The following PICK1 variants were observed in gnomAD, a reference collection of about 807,000 sequenced individuals.
PICK1 encodes the protein PRKCA-binding protein.
A neutral mutation model predicts 48.9 loss-of-function variants in PICK1; 23 were observed. That is an observed-to-expected ratio of 0.47 (90% CI 0.34 to 0.67). PICK1 has a LOEUF of 0.67. PICK1 is among the 30% of genes least tolerant of loss of function. The probability of loss-of-function intolerance (pLI) is 0.01; values close to 1 mark genes in which losing one functional copy is unlikely to be tolerated. For synonymous variants in PICK1, 217 were observed against 228.2 expected (o/e 0.95, Z 0.44); for missense variants, 423 against 557.1 (o/e 0.76, Z 2.42).
chr22:38,058,542 T>TCA (rs1407134259), intron 2 of PICK1, among the ~76,000 whole-genome samples: 4 of 152,192 alleles, frequency 2.6e-5, no homozygotes, highest in South Asian at 4.2e-4. Context: ...GGCTCAAATC[T>TCA]CAGAGATCGA....
intron 8 of PICK1, 53 bp from the exon 9 acceptor site, chr22:38,072,424 C>T: frequency 1.3e-6 from 2 of 1,598,198 alleles, no homozygotes; most frequent in Non-Finnish European, 1.7e-6. Context: ...AAACCCCTGG[C>T]TTCTCTTAGG....
Position 38,074,795 on chromosome 22 carries a change from G to A in PICK1, c.980-69G>A. Reference sequence around the variant, plus strand: ...AGGCGAGAGGTGGGCCGGGTGGGCTGGGAGAGTCTCCTCCCTGAGGCAGGC... The same window carrying A: ...AGGCGAGAGGTGGGCCGGGTGGGCTAGGAGAGTCTCCTCCCTGAGGCAGGC... On this transcript the variant is annotated intron_variant, in intron 12 of 12. Transcript: ENST00000356976. The surrounding 1 kb of genome is among the most constrained non-coding windows in gnomAD (Gnocchi z 4.5). The A allele has an allele frequency of 6.3e-7, 1 of 1,585,572 alleles. No homozygotes were observed. The highest frequency in any genetic ancestry group is 1.8e-4 in the Middle Eastern group (1 of 5,504).
rs201199072 is a variant in PICK1 at position 38,065,146 on chromosome 22, G to C, written c.282+16G>C. 1.2e-6 allele frequency: 2 copies of C among 1,612,030 alleles called. No homozygotes were observed. Among genetic ancestry groups the C allele is most frequent in the South Asian group, 1.1e-5 (1 of 90,798 alleles). ...GGAGGTGAAGGTAAGGGCTGCTGCA[G>C]AGCAGGTGTCCAGAGGCAGCAACAC... On this transcript the variant is annotated intron_variant, in intron 4 of 12. Transcript: ENST00000356976.
At chr22:38,072,848 T>C (rs1287745290) in intron 9 of PICK1, 152 bp from the exon 10 acceptor site, 12 of 824,528 alleles carry the variant, frequency 1.5e-5, no homozygotes, top group Non-Finnish European at 2.5e-5. Context: ...CTGGCACTAG[T>C]CTTCTCATCC....
rs147527058 is a variant in PICK1 at position 38,057,426 on chromosome 22, TG to T, written c.-217del. The T allele has an allele frequency of 1.2e-4, 31 of 252,000 alleles. No individual in the cohort carries two copies. In the East Asian group the frequency reaches 2.4e-3, roughly 20 times the overall value. 15.6% of individuals were successfully genotyped at this position (252,000 alleles called of 1,614,324 possible). ...CGTGACAATCGCGGCCACCGCCAGG[TG>T]GAACGGCAGGTGGGTTCAGGTACCA... is the stretch of plus-strand genomic sequence containing the variant. On this transcript the variant is annotated 5_prime_UTR_variant, in exon 1 of 13. Transcript: ENST00000356976.
Position 38,073,813 on chromosome 22 carries a change from A to G in PICK1, c.824A>G (p.Tyr275Cys). ...GTGAAGGAGATGGATGACGAGGAATACAGCTGCATTGTGAGTGTTGGAGGG... is the reference window on the plus strand; with the variant it reads ...GTGAAGGAGATGGATGACGAGGAATGCAGCTGCATTGTGAGTGTTGGAGGG... ...LKVKEMDDEE[Y>C]SCIALGEPLY... The change falls in exon 11 of 13, where the codon TAC (tyrosine) becomes TGC (cysteine). Residue 275 changes from tyrosine to cysteine, a missense_variant. Physicochemically the swap from Tyr to Cys is radical, Grantham distance 194 (BLOSUM62 -2). Transcript: ENST00000356976. This position sits in a 1 kb window ranked among gnomAD's most constrained non-coding sequence, Gnocchi z 5.7. 2 of 1,612,804 alleles carry G rather than the reference A, an allele frequency of 1.2e-6. No homozygotes were observed. Among genetic ancestry groups the G allele is most frequent in the East Asian group, 4.5e-5 (2 of 44,848 alleles).
At chr22:38,064,650 A>G (rs770636927) in intron 3 of PICK1, among the ~76,000 whole-genome samples, 1 of 152,048 alleles carries the variant, frequency 6.6e-6, no homozygotes, top group Non-Finnish European at 1.5e-5. Flanking sequence ...AACCCCAGCT[A>G]CTCGGGAGGC....
intron 8 of PICK1, 101 bp downstream of exon 8, chr22:38,071,845 C>G: frequency 9.8e-7 from 1 of 1,017,054 alleles, no homozygotes; most frequent in Non-Finnish European, 1.6e-6. Context: ...TGACCTCAGG[C>G]TCCCTCTGGG....
chr22:38,059,421 C>A, intron 3 of PICK1, 76 bp downstream of exon 3: 1 of 969,238 alleles, frequency 1.0e-6, no homozygotes, highest in Non-Finnish European at 1.6e-6. Context: ...TTTCTCCACA[C>A]TGCATAGCTG....
In PICK1 at chr22:38,072,692, G is replaced by A. The variant is rs1220978667; in HGVS notation, c.690+82G>A. 4 of 1,565,200 alleles carry A rather than the reference G, an allele frequency of 2.6e-6. No individual in the cohort carries two copies. In the African/African-American group the frequency reaches 4.0e-5, roughly 16 times the overall value. On this transcript the variant is annotated intron_variant, in intron 9 of 12. Coordinates refer to ENST00000356976, the MANE Select transcript of PICK1 (RefSeq NM_012407.4). ...TGGCATGCAGAGAAGGTCGTATGCT[G>A]GAGTCCTGTGCCTGGGTACAGCCTC...
rs964451784 is a variant in PICK1, at chr22:38,075,195, G to A, written c.*63G>A. 2.2e-5 allele frequency: 33 copies of A among 1,520,850 alleles called. No individual in the cohort carries two copies. In the Admixed American group the frequency reaches 2.5e-4, roughly 12 times the overall value. 94.2% of individuals were successfully genotyped at this position (1,520,850 alleles called of 1,614,324 possible). On this transcript the variant is annotated 3_prime_UTR_variant, in exon 13 of 13. Coordinates refer to ENST00000356976, the MANE Select transcript of PICK1 (RefSeq NM_012407.4). Reference sequence around the variant, plus strand: ...GGAGGACGGAGCCTGGGAGCGGGGCGGGGCCGCCGCGCAAGGGGGCGACGC... The same window carrying A: ...GGAGGACGGAGCCTGGGAGCGGGGCAGGGCCGCCGCGCAAGGGGGCGACGC...
chr22:38,070,130 G>A (rs1345934223), intron 6 of PICK1, among the ~76,000 whole-genome samples: 1 of 152,176 alleles, frequency 6.6e-6, no homozygotes, highest in Non-Finnish European at 1.5e-5. Flanking sequence ...TGCCCAGAGA[G>A]GCCTGAACAC....
At chr22:38,068,892 C>G in intron 5 of PICK1, 141 bp from the exon 6 acceptor site, 2 of 728,968 alleles carry the variant, frequency 2.7e-6, no homozygotes, top group Non-Finnish European at 2.5e-6. Context: ...GACCTCCCCA[C>G]TGGACATTCC....
intron 3 of PICK1, among the ~76,000 whole-genome samples, chr22:38,060,781 C>CTG (rs2085381064): frequency 6.7e-6 from 1 of 149,170 alleles, no homozygotes. Context: ...CAGAGTCTCA[C>CTG]TGTGTTGCCC....
chr22:38,071,229 C>G (rs939112513), intron 7 of PICK1, among the ~76,000 whole-genome samples: 3 of 152,024 alleles, frequency 2.0e-5, no homozygotes, highest in African/African-American at 7.3e-5. Context: ...TGCCTATAAT[C>G]AGTACTCGAG....
Position 38,058,105 on chromosome 22 carries a change from A to T in PICK1, c.41+255A>T, listed in dbSNP as rs549419877. On this transcript the variant is annotated intron_variant, in intron 2 of 12. Coordinates refer to ENST00000356976, the MANE Select transcript of PICK1 (RefSeq NM_012407.4). ...ACAAGAAGAGCAAAGCAGATGGAGCAGTGCTTCTGCTGGGATGGTCAAGGA... is the reference window on the plus strand; with the variant it reads ...ACAAGAAGAGCAAAGCAGATGGAGCTGTGCTTCTGCTGGGATGGTCAAGGA... 5.4e-6 allele frequency: 3 copies of T among 557,276 alleles called. No individual in the cohort carries two copies. In the East Asian group the frequency reaches 9.3e-5, roughly 17 times the overall value. The allele number at this position is 557,276 out of a possible 1,614,324, so 34.5% of individuals were successfully genotyped here.
At chr22:38,072,706 G>A in intron 9 of PICK1, 96 bp downstream of exon 9, 2 of 1,530,330 alleles carry the variant, frequency 1.3e-6, no homozygotes, top group South Asian at 1.1e-5. Flanking sequence ...TCCTGTGCCT[G>A]GGTACAGCCT....
intron 2 of PICK1, among the ~76,000 whole-genome samples, chr22:38,058,529 C>T (rs941035432): frequency 6.6e-6 from 1 of 152,202 alleles, no homozygotes. Flanking sequence ...AAGGACAGAA[C>T]CTGGCTCAAA....
At position 38,071,815 on chromosome 22, in the gene PICK1, TG is replaced by T. The variant is rs1340130388; in HGVS notation, c.556+74del. 2.9e-6 allele frequency: 4 copies of T among 1,367,846 alleles called. No individual in the cohort carries two copies. The Admixed American group carries it at 6.7e-5, about 23-fold the overall frequency. 84.7% of individuals were successfully genotyped at this position (1,367,846 alleles called of 1,614,324 possible). On this transcript the variant is annotated intron_variant, in intron 8 of 12. Coordinates refer to ENST00000356976, the MANE Select transcript of PICK1 (RefSeq NM_012407.4). The stretch of plus-strand genomic sequence containing the variant: ...GGGGCCTCTCACTCCCATGCTGAGG[TG>T]GGTCAGACCCACAGCGCCTGACCTC...
Sources: gnomAD v4.1 joint callset for allele counts (sites outside exome capture counted in the v4.1 genomes callset) on GRCh38, gnomAD v4.1.1 for gene constraint, Gnocchi (gnomAD v3.1) non-coding constraint, MANE v1.5 for transcripts, NCBI Gene and HGNC (gene_info 2026-07-23, HGNC 2026-07-21) for gene names.